The following ECPAS variants were observed in gnomAD, a reference collection of about 807,000 sequenced individuals.
ECPAS encodes the protein proteasome adapter and scaffold protein ECM29.
A neutral mutation model predicts 255.1 loss-of-function variants in ECPAS; 70 were observed. The ratio of observed to expected loss-of-function variants is 0.27; its 90% confidence interval spans 0.23 to 0.33. The LOEUF (loss-of-function observed/expected upper bound fraction) is 0.33, where lower values mean the gene tolerates loss of function less well. ECPAS is among the 10% of genes least tolerant of loss of function. ECPAS has a pLI of 1.00. For missense variants in ECPAS, 1,817 were observed against 2,206.4 expected (o/e 0.82, Z 3.54); for synonymous variants, 784 against 775.0 (o/e 1.01, Z -0.19).
intron 20 of ECPAS, 25 bp downstream of exon 20, chr9:111,413,870 A>T (rs1454133107): frequency 1.5e-5 from 21 of 1,379,616 alleles, no homozygotes; most frequent in Admixed American, 4.9e-5. Flanking sequence ...AATTTTTTTT[A>T]AAAAAAGGTA....
intron 7 of ECPAS, among the ~76,000 whole-genome samples, chr9:111,433,837 TA>T (rs2098233708): frequency 6.6e-6 from 1 of 152,208 alleles, no homozygotes; most frequent in African/African-American, 2.4e-5. Context: ...AAAAAAGAAC[TA>T]AACAACTCAC....
At chr9:111,379,643 A>G (rs1369946216) in intron 35 of ECPAS, among the ~76,000 whole-genome samples, 2 of 152,222 alleles carry the variant, frequency 1.3e-5, no homozygotes, top group African/African-American at 4.8e-5. Context: ...TTTTGCCCAC[A>G]TTAGAACGTC....
chr9:111,433,541 T>C (rs1460297412), intron 7 of ECPAS, among the ~76,000 whole-genome samples, 169 bp from the exon 8 acceptor site: 1 of 152,218 alleles, frequency 6.6e-6, no homozygotes, highest in Non-Finnish European at 1.5e-5. Context: ...AAAGCACATA[T>C]ATTCATAATT....
chr9:111,368,361 T>C (rs2098123233), intron 46 of ECPAS, among the ~76,000 whole-genome samples: 1 of 152,198 alleles, frequency 6.6e-6, no homozygotes, highest in African/African-American at 2.4e-5. Flanking sequence ...ACAAGACCAT[T>C]CATTTCAGGA....
At chr9:111,481,749 G>C (rs2098305656) in intron 1 of ECPAS, among the ~76,000 whole-genome samples, 1 of 152,112 alleles carries the variant, frequency 6.6e-6, no homozygotes. Context: ...ATACATACAA[G>C]GGAATATCAT....
intron 6 of ECPAS, among the ~76,000 whole-genome samples, chr9:111,437,565 C>CTGAG (rs2098239987): frequency 6.6e-6 from 1 of 152,198 alleles, no homozygotes; most frequent in African/African-American, 2.4e-5. Context: ...CCTCCCTGAA[C>CTGAG]TGAGGTCTTT....
At chr9:111,453,136 A>G (rs1173611661) in intron 2 of ECPAS, among the ~76,000 whole-genome samples, 2 of 151,956 alleles carry the variant, frequency 1.3e-5, no homozygotes, top group Non-Finnish European at 2.9e-5. Context: ...GGTCCCAGCT[A>G]CTCCAGAGGC....
chr9:111,433,193 T>C (rs1001190396), intron 8 of ECPAS, 40 bp downstream of exon 8: 4 of 1,596,546 alleles, frequency 2.5e-6, no homozygotes, highest in Non-Finnish European at 8.6e-7. Flanking sequence ...TTTAGAAATG[T>C]AGTCCTTTCA....
At chr9:111,365,825 G>A (rs1439370381) in intron 48 of ECPAS, 1 of 163,094 alleles carries the variant, frequency 6.1e-6, no homozygotes, top group Non-Finnish European at 1.3e-5. Context: ...AAGGGGGCCT[G>A]AAGTAAGCAA....
intron 17 of ECPAS, 102 bp downstream of exon 17, chr9:111,417,781 T>G (rs1000666950): frequency 1.7e-6 from 2 of 1,153,282 alleles, no homozygotes; most frequent in Admixed American, 3.3e-5. Flanking sequence ...AAAAGAAATT[T>G]TATGAGTCAA....
At chr9:111,366,179 G>T in intron 48 of ECPAS, 60 bp downstream of exon 48, 1 of 1,099,118 alleles carries the variant, frequency 9.1e-7, no homozygotes, top group Non-Finnish European at 1.3e-6. Flanking sequence ...AATATTTGAA[G>T]CTCAGCTCCT....
In ECPAS at chr9:111,484,156, G is replaced by C; in HGVS notation, c.-123C>G. The C allele has an allele frequency of 6.8e-7, 1 of 1,470,908 alleles. No individual in the cohort carries two copies. Among genetic ancestry groups the C allele is most frequent in the Non-Finnish European group, 9.0e-7 (1 of 1,113,782 alleles). The allele number at this position is 1,470,908 out of a possible 1,614,324, so 91.1% of individuals were successfully genotyped here. The stretch of plus-strand genomic sequence containing the variant: ...TCTCCATGCCGCGGACGCTGCGCTC[G>C]GCGCCGCGAGGTGAGGGCTGTAGAG... On this transcript the variant is annotated 5_prime_UTR_variant, in exon 1 of 50. Transcript: ENST00000684092.
chr9:111,451,312 G>A, intron 3 of ECPAS, 113 bp downstream of exon 3: 1 of 1,049,390 alleles, frequency 9.5e-7, no homozygotes, highest in Non-Finnish European at 1.4e-6. Context: ...ATTTTGAAAG[G>A]CCATAATTAA....
chr9:111,484,229 G>T lies in ECPAS; in HGVS notation c.-196C>A. 1 of 1,470,716 alleles carries T rather than the reference G, an allele frequency of 6.8e-7. No homozygotes were observed. Among genetic ancestry groups the T allele is most frequent in the South Asian group, 1.4e-5 (1 of 72,328 alleles). 91.1% of individuals were successfully genotyped at this position (1,470,716 alleles called of 1,614,324 possible). ...CCCGGGGAGCCGCGCGCCGCAGTCC[G>T]TGAGGGGCTGGGCCGAGCGGGCCCG... On this transcript the variant is annotated 5_prime_UTR_variant, in exon 1 of 50. Transcript: ENST00000684092.
At chr9:111,385,132 T>A (rs540526879) in intron 33 of ECPAS, among the ~76,000 whole-genome samples, 1 of 152,096 alleles carries the variant, frequency 6.6e-6, no homozygotes, top group African/African-American at 2.4e-5. Context: ...TACAGCCACC[T>A]TTTTTTTCCC....
At position 111,373,067 on chromosome 9, in the gene ECPAS, G is replaced by C; in HGVS notation, c.4336+103C>G. 6 of 938,518 alleles carry C rather than the reference G, an allele frequency of 6.4e-6. No individual in the cohort carries two copies. The South Asian group carries it at 8.6e-5, about 13-fold the overall frequency. The allele number at this position is 938,518 out of a possible 1,614,324, so 58.1% of individuals were successfully genotyped here. ...AAAAGAAAAGAAACAAATGTTTCTA[G>C]CAAATCACATAAAATCATGGAGGGT... On this transcript the variant is annotated intron_variant, in intron 41 of 49. Transcript: ENST00000684092.
intron 9 of ECPAS, among the ~76,000 whole-genome samples, chr9:111,428,908 ACT>A (rs2098225723): frequency 6.6e-6 from 1 of 152,164 alleles, no homozygotes. Flanking sequence ...ATACTGGCTC[ACT>A]GAGTTAAGCA....
intron 31 of ECPAS, among the ~76,000 whole-genome samples, chr9:111,389,080 A>G (rs2098155237): frequency 6.6e-6 from 1 of 152,252 alleles, no homozygotes; most frequent in Admixed American, 6.5e-5. Flanking sequence ...TCAGAGAGCA[A>G]AAGATACTCA....
intron 15 of ECPAS, 60 bp from the exon 16 acceptor site, chr9:111,420,180 A>G: frequency 1.8e-6 from 2 of 1,086,144 alleles, no homozygotes; most frequent in Admixed American, 1.9e-5. Flanking sequence ...AAAAAAATCA[A>G]TTACCAGCCA....
Sources: allele counts gnomAD v4.1 joint callset (sites outside exome capture counted in the v4.1 genomes callset), GRCh38; gene constraint gnomAD v4.1.1; transcripts MANE v1.5; gene names NCBI Gene and HGNC (gene_info 2026-07-23, HGNC 2026-07-21).